Variants in KANSL1 observed in about 807,000 individuals in gnomAD.
KANSL1 encodes MLL1/MLL complex subunit KANSL1.
KANSL1 carries 22 observed loss-of-function variants against 103.6 expected under a neutral mutation model. That is an observed-to-expected ratio of 0.21 (90% CI 0.15 to 0.30). The LOEUF (loss-of-function observed/expected upper bound fraction) is 0.30, where lower values mean the gene tolerates loss of function less well. KANSL1 is among the 10% of genes least tolerant of loss of function. The pLI is 1.00. For synonymous variants in KANSL1, 600 were observed against 527.6 expected (o/e 1.14, Z -1.88); for missense variants, 1,337 against 1,399.8 (o/e 0.96, Z 0.72).
At chr17:46,164,837 G>C (rs2147660373) in intron 2 of KANSL1, among the ~76,000 whole-genome samples, 1 of 152,330 alleles carries the variant, frequency 6.6e-6, no homozygotes, top group East Asian at 1.9e-4. Flanking sequence ...TTAGAAAAAT[G>C]GTTACATTAG....
At position 46,121,746 on chromosome 17, in the gene KANSL1, G is replaced by A. The variant is rs187212010; in HGVS notation, c.1290-27045C>T. Among the ~76,000 whole-genome samples, 5 of 152,082 alleles carry A rather than the reference G, an allele frequency of 3.3e-5. No homozygotes were observed. In the East Asian group the frequency reaches 7.7e-4, roughly 24 times the overall value. On this transcript the variant is annotated intron_variant, in intron 2 of 14. Coordinates refer to ENST00000432791, the MANE Select transcript of KANSL1 (RefSeq NM_015443.4). ...AGCACTTAGTAATTATTTGTTGAAT[G>A]AATAAACTATGGTGTACAGATTCTC...
intron 2 of KANSL1, among the ~76,000 whole-genome samples, chr17:46,142,261 C>A (rs1248510482): frequency 1.3e-5 from 2 of 152,192 alleles, no homozygotes; most frequent in Admixed American, 1.3e-4. Flanking sequence ...TCTAACTTAT[C>A]CAAGTTTGAC....
intron 2 of KANSL1, among the ~76,000 whole-genome samples, chr17:46,119,028 T>C (rs2043163154): frequency 6.6e-6 from 1 of 152,246 alleles, no homozygotes; most frequent in African/African-American, 2.4e-5. Context: ...AACAAATGTG[T>C]ATCACCAGCC....
chr17:46,202,093 A>C (rs1191108067), intron 1 of KANSL1, among the ~76,000 whole-genome samples: 1 of 151,974 alleles, frequency 6.6e-6, no homozygotes, highest in Non-Finnish European at 1.5e-5. Flanking sequence ...CAGGAGAATG[A>C]CTTGAGCCCA....
chr17:46,143,485 A>G (rs1184817271), intron 2 of KANSL1, among the ~76,000 whole-genome samples: 2 of 148,580 alleles, frequency 1.3e-5, no homozygotes, highest in Non-Finnish European at 3.0e-5. Context: ...CAAGAGCAAA[A>G]CTTCGTCTCA....
chr17:46,093,020 T>A (rs2079473319), intron 3 of KANSL1: 1 of 152,184 alleles, frequency 6.6e-6, no homozygotes, highest in Admixed American at 6.5e-5. Context: ...ACATATATAT[T>A]TATGAATGTA....
intron 7 of KANSL1, chr17:46,045,454 T>C (rs2077473331): frequency 8.2e-6 from 1 of 122,464 alleles, no homozygotes; most frequent in Admixed American, 8.6e-5. Context: ...TATATATATC[T>C]CCACAGTCTC....
chr17:46,066,261 TA>T (rs1290558745), intron 6 of KANSL1, among the ~76,000 whole-genome samples: 3 of 152,200 alleles, frequency 2.0e-5, no homozygotes, highest in Middle Eastern at 3.2e-3. Context: ...GGGCAGTACT[TA>T]AACTTTCAGT....
At chr17:46,078,410 G>A (rs546022912) in intron 4 of KANSL1, among the ~76,000 whole-genome samples, 1 of 152,328 alleles carries the variant, frequency 6.6e-6, no homozygotes, top group South Asian at 2.1e-4. Context: ...AACATGTGCA[G>A]GTCAGGGGTG....
intron 2 of KANSL1, among the ~76,000 whole-genome samples, chr17:46,118,139 C>A (rs1195119279): frequency 6.6e-6 from 1 of 152,140 alleles, no homozygotes; most frequent in African/African-American, 2.4e-5. Flanking sequence ...GCTTTACACA[C>A]AATGTTTTTA....
chr17:46,110,140 C>G (rs1239519379), intron 2 of KANSL1, among the ~76,000 whole-genome samples: 1 of 152,118 alleles, frequency 6.6e-6, no homozygotes, highest in African/African-American at 2.4e-5. Flanking sequence ...TCAAAAAAAC[C>G]TAGCATGTAG....
chr17:46,170,546 G>A (rs2046230617), intron 2 of KANSL1: 1 of 395,276 alleles, frequency 2.5e-6, no homozygotes, highest in South Asian at 6.9e-5. Flanking sequence ...AGTTTCAAAA[G>A]AAATCTAAAT....
intron 4 of KANSL1, among the ~76,000 whole-genome samples, chr17:46,080,698 G>A (rs1383394644): frequency 2.0e-5 from 3 of 151,666 alleles, no homozygotes; most frequent in Admixed American, 1.3e-4. Flanking sequence ...TATTGTCCCT[G>A]CTCCCCCCAC....
intron 6 of KANSL1, 69 bp from the exon 7 acceptor site, chr17:46,050,773 C>A: frequency 7.0e-7 from 1 of 1,437,314 alleles, no homozygotes; most frequent in Non-Finnish European, 9.5e-7. Context: ...ATTTGTTATC[C>A]CCATTTGTTA....
intron 1 of KANSL1, among the ~76,000 whole-genome samples, chr17:46,191,367 T>C (rs2047313180): frequency 6.6e-6 from 1 of 152,220 alleles, no homozygotes; most frequent in Admixed American, 6.5e-5. Context: ...ATTTTCTAAA[T>C]TGGTCAGACA....
intron 2 of KANSL1, among the ~76,000 whole-genome samples, chr17:46,155,377 C>T (rs922765544): frequency 3.3e-5 from 5 of 152,126 alleles, no homozygotes; most frequent in East Asian, 1.9e-4. Flanking sequence ...AGGCTGGTCT[C>T]GAACTCCCGG....
Position 46,066,738 on chromosome 17 carries a change from C to T in KANSL1, c.1653-6G>A, listed in dbSNP as rs369261388. 1.1e-5 allele frequency: 17 copies of T among 1,605,736 alleles called. No homozygotes were observed. The African/African-American group carries it at 1.7e-4, about 16-fold the overall frequency. ...CTGCCAAGACAGGCTGAAGACTATA[C>T]AAGGGGAAGGAAGAGTATTCTCAGA... On this transcript the variant is annotated splice_region_variant and splice_polypyrimidine_tract_variant and intron_variant, in intron 5 of 14. Transcript: ENST00000432791.
intron 2 of KANSL1, among the ~76,000 whole-genome samples, chr17:46,095,115 A>G (rs1428313911): frequency 1.4e-5 from 2 of 148,042 alleles, no homozygotes; most frequent in Non-Finnish European, 3.1e-5. Context: ...AAAAACTAAT[A>G]AAGTAGAAAA....
intron 4 of KANSL1, among the ~76,000 whole-genome samples, chr17:46,070,575 A>G (rs2078537983): frequency 6.6e-6 from 1 of 152,202 alleles, no homozygotes; most frequent in Non-Finnish European, 1.5e-5. Flanking sequence ...TTTAAGATTC[A>G]GGTTGGTATT....
Sources: allele counts gnomAD v4.1 joint callset (sites outside exome capture counted in the v4.1 genomes callset), GRCh38; gene constraint gnomAD v4.1.1; transcripts MANE v1.5; gene names NCBI Gene and HGNC (gene_info 2026-07-23, HGNC 2026-07-21).